ELAPOR2: variants seen among roughly 807,000 people sequenced by gnomAD.
ELAPOR2 encodes the protein endosome/lysosome-associated apoptosis and autophagy regulator family member 2.
In ELAPOR2, 89 loss-of-function variants were observed where a neutral mutation model predicts 120.7. The observed-to-expected ratio is 0.74, with a 90% CI of 0.62 to 0.88. ELAPOR2 has a LOEUF of 0.88. Ranked by LOEUF, ELAPOR2 falls within the 40% of genes least tolerant of loss-of-function variation. The pLI, the probability that ELAPOR2 is intolerant of heterozygous loss-of-function variation, is 0.00. For synonymous variants in ELAPOR2, 444 were observed against 444.9 expected (o/e 1.00, Z 0.03); for missense variants, 1,134 against 1,251.6 (o/e 0.91, Z 1.42).
intron 5 of ELAPOR2, among the ~76,000 whole-genome samples, chr7:86,941,620 G>A (rs1790799414): frequency 6.6e-6 from 1 of 152,070 alleles, no homozygotes; most frequent in Non-Finnish European, 1.5e-5. Flanking sequence ...CCAATGAAAA[G>A]AGCCACTAAT....
intron 1 of ELAPOR2, among the ~76,000 whole-genome samples, chr7:87,040,217 C>G (rs1321767039): frequency 6.6e-6 from 1 of 152,260 alleles, no homozygotes; most frequent in African/African-American, 2.4e-5. Context: ...ATTGCCCAGG[C>G]TTGCTTAGGT....
At chr7:87,047,850 T>A (rs1794997828) in intron 1 of ELAPOR2, among the ~76,000 whole-genome samples, 1 of 152,240 alleles carries the variant, frequency 6.6e-6, no homozygotes, top group South Asian at 2.1e-4. Flanking sequence ...GAAATCAGTA[T>A]ATCAAAGAGA....
At chr7:87,004,466 C>T (rs894002202) in intron 1 of ELAPOR2, among the ~76,000 whole-genome samples, 5 of 152,174 alleles carry the variant, frequency 3.3e-5, no homozygotes, top group Admixed American at 6.5e-5. Context: ...AAACATAATG[C>T]TGCTGCCTTG....
intron 16 of ELAPOR2, among the ~76,000 whole-genome samples, chr7:86,909,545 A>G (rs1437279706): frequency 3.9e-5 from 6 of 152,120 alleles, no homozygotes; most frequent in Non-Finnish European, 8.8e-5. Context: ...TTTGCCTCTT[A>G]AAGTTCTAGA....
chr7:86,930,162 GA>G (rs1343096358), intron 8 of ELAPOR2, among the ~76,000 whole-genome samples: 8 of 151,790 alleles, frequency 5.3e-5, no homozygotes, highest in African/African-American at 1.7e-4. Flanking sequence ...CTTTAATCAA[GA>G]AAATGTTCTA....
intron 1 of ELAPOR2, among the ~76,000 whole-genome samples, chr7:86,983,227 T>A (rs367997628): frequency 6.6e-6 from 1 of 152,340 alleles, no homozygotes; most frequent in African/African-American, 2.4e-5. Context: ...TACCTGAAAG[T>A]GACGGGCAGA....
Position 87,052,561 on chromosome 7 carries a change from G to C in ELAPOR2, c.189+6764C>G, listed in dbSNP as rs148785224. Among the ~76,000 whole-genome samples the C allele has an allele frequency of 2.2e-3, 340 of 152,234 alleles. 2 individuals are homozygous for C. The highest frequency in any genetic ancestry group is 7.9e-3 in the African/African-American group (328 of 41,532). On this transcript the variant is annotated intron_variant, in intron 1 of 21. Transcript: ENST00000450689. ...CAATCCCAGGGTTTCCATTTTAGTA[G>C]GTTGTGCACAGGAACCAAGCACTTA...
At chr7:86,948,054 T>A in intron 2 of ELAPOR2, 132 bp from the exon 3 acceptor site, 1 of 649,712 alleles carries the variant, frequency 1.5e-6, no homozygotes, top group East Asian at 2.8e-5. Flanking sequence ...CAAATTCCTC[T>A]TATCACTACA....
intron 1 of ELAPOR2, among the ~76,000 whole-genome samples, chr7:87,023,643 A>C (rs933097872): frequency 6.6e-6 from 1 of 152,116 alleles, no homozygotes; most frequent in African/African-American, 2.4e-5. Flanking sequence ...TGAATCTATA[A>C]ATTACCTTGG....
In ELAPOR2 at chr7:86,885,859, T is replaced by G. The variant is rs147867061; in HGVS notation, c.3031-5329A>C. On this transcript the variant is annotated intron_variant, in intron 21 of 21. Coordinates refer to ENST00000450689, the MANE Select transcript of ELAPOR2 (RefSeq NM_001142749.3). ...ACAGTAGAACTTGATGTTATATGCT[T>G]GTACTTCCCCATCTCATACATGCTA... Among the ~76,000 whole-genome samples the G allele has an allele frequency of 5.9e-5, 9 of 152,158 alleles. No individual in the cohort carries two copies. The East Asian group carries it at 1.7e-3, about 29-fold the overall frequency.
At chr7:87,046,531 C>T (rs1437715087) in intron 1 of ELAPOR2, among the ~76,000 whole-genome samples, 1 of 152,196 alleles carries the variant, frequency 6.6e-6, no homozygotes, top group East Asian at 1.9e-4. Flanking sequence ...ACTCGAATCT[C>T]ATTTCAAATT....
At chr7:87,012,137 C>A (rs146209765) in intron 1 of ELAPOR2, among the ~76,000 whole-genome samples, 2 of 152,208 alleles carry the variant, frequency 1.3e-5, no homozygotes, top group African/African-American at 4.8e-5. Context: ...TCTGGCCGGG[C>A]GTGGTGGCTC....
Position 87,059,578 on chromosome 7 carries a change from C to A in ELAPOR2, c.-65G>T. ...CCTTCCCGGGGTGCGGCGGCAGCTC[C>A]GGCTCCCGGGCCGCGACTGCTGTGC... is the stretch of plus-strand genomic sequence containing the variant. On this transcript the variant is annotated 5_prime_UTR_variant, in exon 1 of 22. Transcript: ENST00000450689. The A allele has an allele frequency of 1.8e-6, 2 of 1,138,370 alleles. No individual in the cohort carries two copies. Among genetic ancestry groups the A allele is most frequent in the Non-Finnish European group, 2.2e-6 (2 of 929,036 alleles). 70.5% of individuals were successfully genotyped at this position (1,138,370 alleles called of 1,614,324 possible). A position where few individuals can be genotyped will look rare whatever the true frequency, so the allele number is the denominator to read the frequency against.
intron 2 of ELAPOR2, among the ~76,000 whole-genome samples, chr7:86,956,921 T>G (rs941529024): frequency 1.3e-5 from 2 of 152,184 alleles, no homozygotes; most frequent in African/African-American, 2.4e-5. Context: ...TCGATTCTTA[T>G]CATCCTAAAC....
chr7:86,908,403 C>A lies in ELAPOR2; in HGVS notation c.2456+44G>T, dbSNP rs758017156. Reference sequence around the variant, plus strand: ...ATTGGTGTTCCATATATATAAGTTTCTTTTGGTTAAAATATAGTCAAGGGA... The same window carrying A: ...ATTGGTGTTCCATATATATAAGTTTATTTTGGTTAAAATATAGTCAAGGGA... On this transcript the variant is annotated intron_variant, in intron 17 of 21. Transcript: ENST00000450689. The A allele has an allele frequency of 3.8e-6, 4 of 1,047,812 alleles. No homozygotes were observed. In the African/African-American group the frequency reaches 4.9e-5, roughly 13 times the overall value. 64.9% of individuals were successfully genotyped at this position (1,047,812 alleles called of 1,614,324 possible). A position where few individuals can be genotyped will look rare whatever the true frequency, so the allele number is the denominator to read the frequency against.
In ELAPOR2 at chr7:86,893,294, T is replaced by A. The variant is rs201089742; in HGVS notation, c.2686-194A>T. Among the ~76,000 whole-genome samples, 159 of 151,836 alleles carry A rather than the reference T, an allele frequency of 1.0e-3. 2 individuals are homozygous for A. The highest frequency in any genetic ancestry group is 0.01 in the East Asian group (52 of 5,126). ...AAGCTCCAGAAACACAGGAAAAAAA[T>A]ATATGTGAATGAATAAGGAATTAAT... On this transcript the variant is annotated intron_variant, in intron 19 of 21. Coordinates refer to ENST00000450689, the MANE Select transcript of ELAPOR2 (RefSeq NM_001142749.3).
chr7:86,882,736 A>G (rs1397092043), intron 21 of ELAPOR2, among the ~76,000 whole-genome samples: 1 of 152,188 alleles, frequency 6.6e-6, no homozygotes, highest in African/African-American at 2.4e-5. Context: ...ACATTGGAGA[A>G]GGAAAAACAC....
At chr7:86,936,715 T>C (rs1790575636) in intron 8 of ELAPOR2, among the ~76,000 whole-genome samples, 1 of 152,112 alleles carries the variant, frequency 6.6e-6, no homozygotes, top group Admixed American at 6.6e-5. Context: ...TCTATGCATA[T>C]GTGCGTATTC....
At chr7:86,911,074 G>T (rs544792762) in intron 15 of ELAPOR2, among the ~76,000 whole-genome samples, 2 of 152,100 alleles carry the variant, frequency 1.3e-5, no homozygotes, top group Non-Finnish European at 2.9e-5. Context: ...ATAGAAGCTA[G>T]AGGTGAAGAG....
Sources: gnomAD v4.1 joint callset for allele counts (sites outside exome capture counted in the v4.1 genomes callset) on GRCh38, gnomAD v4.1.1 for gene constraint, MANE v1.5 for transcripts, NCBI Gene and HGNC (gene_info 2026-07-23, HGNC 2026-07-21) for gene names.